Variants in DOT1L observed in about 807,000 individuals in gnomAD.
The protein encoded by DOT1L is DOT1 like histone lysine methyltransferase, also known as histone-lysine N-methyltransferase, H3 lysine-79 specific.
In DOT1L, 33 loss-of-function variants were observed where a neutral mutation model predicts 153.3. The ratio of observed to expected loss-of-function variants is 0.22; its 90% CI spans 0.16 to 0.29. The LOEUF is 0.29. DOT1L is among the 10% of genes least tolerant of loss of function. DOT1L has a pLI of 1.00. For missense variants in DOT1L, 1,847 were observed against 2,119.9 expected, an observed-to-expected ratio of 0.87 and a Z score of 2.53; for synonymous variants, 1,135 against 965.1, an observed-to-expected ratio of 1.18 and a Z score of -3.26.
chr19:2,183,109 G>A (rs1210391932), intron 2 of DOT1L, among the ~76,000 whole-genome samples: 3 of 152,150 alleles, frequency 2.0e-5, no homozygotes, highest in Non-Finnish European at 4.4e-5. Flanking sequence ...CACCGACGAC[G>A]TTCTTACACA....
In DOT1L at chr19:2,214,067, GGCTCTGGAA is replaced by G. The variant is rs1004165149; in HGVS notation, c.1797+83_1797+91del. On this transcript the variant is annotated intron_variant, in intron 18 of 27. Coordinates refer to ENST00000398665, the MANE Select transcript of DOT1L (RefSeq NM_032482.3). ...GGGTGTGTCCTCTGTGCGGGTGGGA[GGCTCTGGAA>G]GGCCCGCCTCTGTTGTGGGGTTTGT... 1.8e-5 allele frequency: 28 copies of G among 1,515,506 alleles called. No individual in the cohort carries two copies. The African/African-American group carries it at 3.7e-4, about 20-fold the overall frequency. The allele number at this position is 1,515,506 out of a possible 1,614,324, so 93.9% of individuals were successfully genotyped here.
At chr19:2,211,024 C>T (rs539385106) in intron 14 of DOT1L, 75 bp from the exon 15 acceptor site, 42 of 1,495,126 alleles carry the variant, frequency 2.8e-5, no homozygotes, top group Non-Finnish European at 3.9e-5. Flanking sequence ...TGCTGGGCAC[C>T]TGCCCCATGC....
intron 19 of DOT1L, 185 bp from the exon 20 acceptor site, chr19:2,216,096 C>A: frequency 1.3e-6 from 1 of 753,246 alleles, no homozygotes; most frequent in Non-Finnish European, 2.1e-6. Context: ...CGGCCCTCCA[C>A]ATGACTTTAT....
intron 7 of DOT1L, among the ~76,000 whole-genome samples, chr19:2,198,745 A>G (rs12983491): frequency 0.38 from 58,028 of 152,006 alleles, 11,741 homozygotes; most frequent in Middle Eastern, 0.51. Flanking sequence ...CCCAGCATGA[A>G]TCCCCTTCCT....
At chr19:2,229,211 G>A (rs2024495507) in intron 27 of DOT1L, 3 of 985,360 alleles carry the variant, frequency 3.0e-6, no homozygotes, top group Admixed American at 6.1e-5. Context: ...CCCCCAAGAG[G>A]CTGTGGAGAC....
Position 2,223,274 on chromosome 19 carries a change from C to T in DOT1L, c.3391-7C>T. On this transcript the variant is annotated splice_polypyrimidine_tract_variant and splice_region_variant and intron_variant, in intron 24 of 27. Coordinates refer to ENST00000398665, the MANE Select transcript of DOT1L (RefSeq NM_032482.3). ...TATGTGCATCCATTGTGTCTGTCTG[C>T]CCTCAGGTCAGTAACATCAACCAGC... is the stretch of plus-strand genomic sequence containing the variant. The T allele has an allele frequency of 6.2e-7, 1 of 1,613,168 alleles. No individual in the cohort carries two copies. The highest frequency in any genetic ancestry group is 2.2e-5 in the East Asian group (1 of 44,866).
intron 8 of DOT1L, among the ~76,000 whole-genome samples, chr19:2,201,746 C>T (rs2023292752): frequency 1.3e-5 from 2 of 152,232 alleles, no homozygotes; most frequent in Non-Finnish European, 2.9e-5. Flanking sequence ...TTTCTGGCGT[C>T]CCGTTGACAT....
In DOT1L at chr19:2,226,622, C is replaced by T. The variant is rs777361365; in HGVS notation, c.4101C>T (p.Phe1367=). 3.1e-6 allele frequency: 5 copies of T among 1,595,352 alleles called. No homozygotes were observed. Among genetic ancestry groups the T allele is most frequent in the Non-Finnish European group, 3.4e-6 (4 of 1,175,072 alleles). The change falls in exon 27 of 28, where the codon TTC becomes TTT. Residue 1367 remains phenylalanine (F), a synonymous_variant. Transcript: ENST00000398665. ...RGKEGSDANP[F]LSKRQLDGLA... is the part of the protein sequence containing the mutation. ...AGGAGGGCTCGGACGCCAACCCTTT[C>T]CTGAGCAAGAGGCAGCTGGACGGCC... is the stretch of plus-strand genomic sequence containing the variant.
Position 2,203,530 on chromosome 19 carries a change from C to T in DOT1L, c.787+751C>T, listed in dbSNP as rs372357574. Among the ~76,000 whole-genome samples the T allele has an allele frequency of 5.3e-5, 8 of 152,314 alleles. No individual in the cohort carries two copies. In the South Asian group the frequency reaches 1.7e-3, roughly 32 times the overall value. Reference sequence around the variant, plus strand: ...CCATACTGAGCAGGAGTGGGGCTCTCAGCTGTTTTGTTTTCTCCCTCCGGA... The same window carrying T: ...CCATACTGAGCAGGAGTGGGGCTCTTAGCTGTTTTGTTTTCTCCCTCCGGA... On this transcript the variant is annotated intron_variant, in intron 9 of 27. Transcript: ENST00000398665.
chr19:2,177,720 T>C (rs982279887), intron 1 of DOT1L, among the ~76,000 whole-genome samples: 3 of 151,772 alleles, frequency 2.0e-5, no homozygotes, highest in Non-Finnish European at 4.4e-5. Context: ...CCAGCCCTGC[T>C]CTCCGCTCTG....
chr19:2,165,677 G>A (rs1159745045), intron 1 of DOT1L, among the ~76,000 whole-genome samples: 1 of 152,214 alleles, frequency 6.6e-6, no homozygotes, highest in Non-Finnish European at 1.5e-5. Context: ...GGTGGTAGAA[G>A]GCATATGACC....
rs1430411231 is a variant in DOT1L, at chr19:2,220,089, C to T, written c.2692-19C>T. On this transcript the variant is annotated intron_variant, in intron 22 of 27. Transcript: ENST00000398665. The surrounding 1 kb of genome is among the most constrained non-coding windows in gnomAD (Gnocchi z 4.5). ...TGGGGCACCTGCTGCCCCTGACACA[C>T]AGGGTTTTCTCTCTGCAGAGGAGCA... 1.3e-6 allele frequency: 2 copies of T among 1,586,162 alleles called. No individual in the cohort carries two copies. The highest frequency in any genetic ancestry group is 1.7e-5 in the Admixed American group (1 of 58,680).
Position 2,230,380 on chromosome 19 carries a change from T to C in DOT1L, c.*588T>C. 1 of 407,062 alleles carries C rather than the reference T, an allele frequency of 2.5e-6. No individual in the cohort carries two copies. The highest frequency in any genetic ancestry group is 6.2e-4 in the Middle Eastern group (1 of 1,606). 25.2% of individuals were successfully genotyped at this position (407,062 alleles called of 1,614,324 possible). ...TGGCGCCTGCCCTGAGCTCTTCACC[T>C]TTACCCCGGCACTGTGAACCCCCAG... On this transcript the variant is annotated 3_prime_UTR_variant, in exon 28 of 28. Coordinates refer to ENST00000398665, the MANE Select transcript of DOT1L (RefSeq NM_032482.3).
In DOT1L at chr19:2,194,556, A is replaced by G. The variant is rs928068913; in HGVS notation, c.630A>G (p.Gly210=). ...TCAGGAAGTGGATGAAATGGTATGGAAAAAAGCATGCAGAATACACAGTGA... is the reference window on the plus strand; with the variant it reads ...TCAGGAAGTGGATGAAATGGTATGGGAAAAAGCATGCAGAATACACAGTGA... ...REFRKWMKWY[G]KKHAEYTLER... The change falls in exon 7 of 28, where the codon GGA becomes GGG. Residue 210 remains glycine (G), a synonymous_variant. Coordinates refer to ENST00000398665, the MANE Select transcript of DOT1L (RefSeq NM_032482.3). The G allele has an allele frequency of 6.2e-7, 1 of 1,612,738 alleles. No homozygotes were observed. The highest frequency in any genetic ancestry group is 1.3e-5 in the African/African-American group (1 of 74,906).
At chr19:2,199,468 G>A (rs2023154704) in intron 7 of DOT1L, among the ~76,000 whole-genome samples, 1 of 152,254 alleles carries the variant, frequency 6.6e-6, no homozygotes, top group Non-Finnish European at 1.5e-5. Flanking sequence ...CTGGAGCCCA[G>A]CATGGTGGGG....
chr19:2,229,118 C>T, intron 27 of DOT1L: 6 of 985,282 alleles, frequency 6.1e-6, no homozygotes, highest in African/African-American at 1.7e-5. Context: ...GTAGACGGTG[C>T]CCACCTTTGA....
chr19:2,189,105 GAC>G (rs2022679367), intron 3 of DOT1L, among the ~76,000 whole-genome samples: 2 of 152,176 alleles, frequency 1.3e-5, no homozygotes, highest in Admixed American at 6.5e-5. Context: ...TGTCTGACAT[GAC>G]ACACTGCTGA....
Position 2,193,618 on chromosome 19 carries a change from C to T in DOT1L, c.494-71C>T, listed in dbSNP as rs1340608565. 2.0e-6 allele frequency: 3 copies of T among 1,496,786 alleles called. No homozygotes were observed. The African/African-American group carries it at 4.1e-5, about 21-fold the overall frequency. 92.7% of individuals were successfully genotyped at this position (1,496,786 alleles called of 1,614,324 possible). A position where few individuals can be genotyped will look rare whatever the true frequency, so the allele number is the denominator to read the frequency against. On this transcript the variant is annotated intron_variant, in intron 5 of 27. Coordinates refer to ENST00000398665, the MANE Select transcript of DOT1L (RefSeq NM_032482.3). The surrounding 1 kb of genome is among the most constrained non-coding windows in gnomAD (Gnocchi z 5.9). ...GGCCGCATTCTTGTGGCCTCTGTCT[C>T]CGAGCCTAGCACGGCCTCCCGGGTG...
At chr19:2,202,869 A>G in intron 9 of DOT1L, 90 bp downstream of exon 9, 1 of 1,359,828 alleles carries the variant, frequency 7.4e-7, no homozygotes, top group Non-Finnish European at 1.1e-6. Context: ...TGCAGAAGGC[A>G]GCTCAGACTT....
Sources: gnomAD v4.1 joint callset for allele counts (sites outside exome capture counted in the v4.1 genomes callset) on GRCh38, gnomAD v4.1.1 for gene constraint, Gnocchi (gnomAD v3.1) non-coding constraint, MANE v1.5 for transcripts, NCBI Gene and HGNC (gene_info 2026-07-23, HGNC 2026-07-21) for gene names.